The following STX17 variants were observed in gnomAD, a reference collection of about 807,000 sequenced individuals.
The protein encoded by STX17 is syntaxin 17, also known as syntaxin-17.
Under a neutral mutation model 35.9 loss-of-function variants are expected in STX17, and 29 were observed. The observed-to-expected ratio is 0.81, with a 90% confidence interval of 0.60 to 1.10. STX17 has a LOEUF of 1.10. STX17 is among the 50% of genes least tolerant of loss of function. STX17 has a pLI of 0.00. For missense variants in STX17, 312 were observed against 352.3 expected, an observed-to-expected ratio of 0.89 and a Z score of 0.92; for synonymous variants, 92 against 118.3, an observed-to-expected ratio of 0.78 and a Z score of 1.44.
rs780589049 is a variant in STX17 at position 99,973,167 on chromosome 9, C to G, written c.*4494C>G. ...CATGGTATGTATCCACATTGCTACT[C>G]TCAAATAGAAATGGGAGATAAGAAA... On this transcript the variant is annotated 3_prime_UTR_variant, in exon 8 of 8. Coordinates refer to ENST00000259400, the MANE Select transcript of STX17 (RefSeq NM_017919.3). Among the ~76,000 whole-genome samples the G allele has an allele frequency of 6.6e-6, 1 of 151,432 alleles. No individual in the cohort carries two copies. The highest frequency in any genetic ancestry group is 1.5e-5 in the Non-Finnish European group (1 of 67,956).
At chr9:99,944,666 C>G (rs760223213) in intron 3 of STX17, among the ~76,000 whole-genome samples, 8 of 152,030 alleles carry the variant, frequency 5.3e-5, no homozygotes, top group Non-Finnish European at 8.8e-5. Context: ...AGGTGCCCAC[C>G]ACCACACCCG....
chr9:99,911,777 A>G (rs550666024), intron 1 of STX17, among the ~76,000 whole-genome samples: 4 of 152,200 alleles, frequency 2.6e-5, no homozygotes, highest in South Asian at 4.2e-4. Flanking sequence ...GGATCTTGCT[A>G]TGTTGCCCAG....
chr9:99,911,138 C>T (rs992928203), intron 1 of STX17, among the ~76,000 whole-genome samples: 2 of 151,846 alleles, frequency 1.3e-5, no homozygotes, highest in Admixed American at 6.6e-5. Context: ...TGGGTTCAAG[C>T]GATTCTCCTG....
At position 99,973,965 on chromosome 9, in the gene STX17, A is replaced by T. The variant is rs899845845; in HGVS notation, c.*5292A>T. ...TGAAGGTTCAAACTGGTAATAAACC[A>T]TGTTTACATTTTTCTGGTCTAAAAT... On this transcript the variant is annotated 3_prime_UTR_variant, in exon 8 of 8. Transcript: ENST00000259400. Among the ~76,000 whole-genome samples the T allele has an allele frequency of 6.6e-6, 1 of 152,218 alleles. No individual in the cohort carries two copies. The highest frequency in any genetic ancestry group is 1.5e-5 in the Non-Finnish European group (1 of 68,030).
chr9:99,918,335 T>G (rs1217592532), intron 2 of STX17, among the ~76,000 whole-genome samples: 2 of 152,144 alleles, frequency 1.3e-5, no homozygotes, highest in African/African-American at 4.8e-5. Flanking sequence ...CTCACTATGC[T>G]GCCCAGGCCT....
Position 99,909,529 on chromosome 9 carries a change from G to T in STX17, c.-63+2823G>T, listed in dbSNP as rs188646380. ...GAAAAGAGGCAGTGTGATAGATTGG[G>T]AAATGTTAATGTTAGACAAATAATT... is the stretch of plus-strand genomic sequence containing the variant. On this transcript the variant is annotated intron_variant, in intron 1 of 7. Coordinates refer to ENST00000259400, the MANE Select transcript of STX17 (RefSeq NM_017919.3). Among the ~76,000 whole-genome samples, 138 of 152,298 alleles carry T rather than the reference G, an allele frequency of 9.1e-4. 3 individuals are homozygous for T. The East Asian group carries it at 0.024, about 26-fold the overall frequency.
intron 4 of STX17, among the ~76,000 whole-genome samples, chr9:99,951,876 A>G (rs951825258): frequency 6.6e-6 from 1 of 152,052 alleles, no homozygotes; most frequent in African/African-American, 2.4e-5. Context: ...GGCTTAATAC[A>G]TAGTAGTACT....
chr9:99,962,467 T>C (rs1829846035), intron 6 of STX17, among the ~76,000 whole-genome samples: 4 of 152,194 alleles, frequency 2.6e-5, no homozygotes, highest in South Asian at 2.1e-4. Flanking sequence ...CCAAAAGTCA[T>C]TGGTCTGTAC....
At chr9:99,959,332 C>T (rs566261582) in intron 4 of STX17, among the ~76,000 whole-genome samples, 6 of 150,602 alleles carry the variant, frequency 4.0e-5, no homozygotes, top group Middle Eastern at 3.4e-3. Flanking sequence ...CAGTTGAGGC[C>T]GGGAGTTCAA....
chr9:99,926,499 GTCTT>G (rs1828988114), intron 2 of STX17, among the ~76,000 whole-genome samples: 1 of 151,294 alleles, frequency 6.6e-6, no homozygotes, highest in African/African-American at 2.4e-5. Flanking sequence ...ATCCTTTTGA[GTCTT>G]TCTTTTTTTT....
chr9:99,968,310 C>G, intron 7 of STX17, 124 bp from the exon 8 acceptor site: 1 of 1,262,316 alleles, frequency 7.9e-7, no homozygotes, highest in Non-Finnish European at 1.1e-6. Flanking sequence ...AGTACAGTCT[C>G]TAAGGTTAAT....
intron 4 of STX17, among the ~76,000 whole-genome samples, chr9:99,959,363 C>G (rs1048744088): frequency 7.0e-6 from 1 of 142,810 alleles, no homozygotes; most frequent in Non-Finnish European, 1.5e-5. Context: ...GGCAACATAG[C>G]AAGACTGTGT....
intron 4 of STX17, among the ~76,000 whole-genome samples, chr9:99,957,853 G>A (rs1362437877): frequency 6.6e-6 from 1 of 151,310 alleles, no homozygotes; most frequent in Non-Finnish European, 1.5e-5. Context: ...GGGTTTCGCC[G>A]TGTTGCCCAG....
intron 2 of STX17, among the ~76,000 whole-genome samples, chr9:99,915,886 TG>T (rs1564057515): frequency 6.6e-6 from 1 of 152,258 alleles, no homozygotes; most frequent in East Asian, 1.9e-4. Context: ...TTGTACATAT[TG>T]AGGTTTTAGG....
intron 3 of STX17, 29 bp from the exon 4 acceptor site, chr9:99,951,031 G>A (rs1728422453): frequency 6.4e-7 from 1 of 1,553,940 alleles, no homozygotes; most frequent in East Asian, 2.3e-5. Context: ...CTAAGAAATG[G>A]TGGCATTAAT....
In STX17 at chr9:99,969,945, C is replaced by G. The variant is rs915136179; in HGVS notation, c.*1272C>G. ...ACCTGACATTCACAGCAAGCATGGC[C>G]CAGCCCAACTGCATGTCTATCTCAA... is the stretch of plus-strand genomic sequence containing the variant. On this transcript the variant is annotated 3_prime_UTR_variant, in exon 8 of 8. Coordinates refer to ENST00000259400, the MANE Select transcript of STX17 (RefSeq NM_017919.3). 2 of 152,668 alleles carry G rather than the reference C, an allele frequency of 1.3e-5. No homozygotes were observed. The highest frequency in any genetic ancestry group is 4.8e-5 in the African/African-American group (2 of 41,394). The allele number at this position is 152,668 out of a possible 1,614,324, so 9.5% of individuals were successfully genotyped here. A position where few individuals can be genotyped will look rare whatever the true frequency, so the allele number is the denominator to read the frequency against.
intron 6 of STX17, among the ~76,000 whole-genome samples, chr9:99,960,573 A>G (rs561897712): frequency 4.6e-5 from 7 of 152,152 alleles, no homozygotes; most frequent in Admixed American, 3.9e-4. Context: ...CCTCCTGAGT[A>G]GCTGGGATTA....
At chr9:99,965,341 C>T (rs1233918874) in intron 6 of STX17, among the ~76,000 whole-genome samples, 1 of 152,084 alleles carries the variant, frequency 6.6e-6, no homozygotes, top group African/African-American at 2.4e-5. Context: ...AAAGTATTTC[C>T]CTGAGGCTTT....
rs754031944 is a variant in STX17 at position 99,915,202 on chromosome 9, C to G, written c.-38C>G. The G allele has an allele frequency of 6.3e-7, 1 of 1,589,508 alleles. No individual in the cohort carries two copies. Among genetic ancestry groups the G allele is most frequent in the African/African-American group, 1.4e-5 (1 of 73,618 alleles). ...GGTTTTTCTATATGAGTGGAGAAGA[C>G]AGCTGTTACCAGGGAGGTCATACAA... On this transcript the variant is annotated 5_prime_UTR_variant, in exon 2 of 8. Coordinates refer to ENST00000259400, the MANE Select transcript of STX17 (RefSeq NM_017919.3).
Sources: gnomAD v4.1 joint callset for allele counts (sites outside exome capture counted in the v4.1 genomes callset) on GRCh38, gnomAD v4.1.1 for gene constraint, MANE v1.5 for transcripts, NCBI Gene and HGNC (gene_info 2026-07-23, HGNC 2026-07-21) for gene names.